Variants in TTC28 observed in about 807,000 individuals in gnomAD.
TTC28 encodes tetratricopeptide repeat protein 28.
Under a neutral mutation model 198.0 loss-of-function variants are expected in TTC28, and 61 were observed. The observed-to-expected ratio is 0.31, with a 90% CI of 0.25 to 0.38. The LOEUF is 0.38. Ranked by LOEUF, TTC28 falls within the 10% of genes least tolerant of loss-of-function variation. The pLI, the probability that TTC28 is intolerant of heterozygous loss-of-function variation, is 1.00. For synonymous variants in TTC28, 1,171 were observed against 1,297.8 expected, an observed-to-expected ratio of 0.90 and a Z score of 2.10; for missense variants, 2,678 against 3,164.0, an observed-to-expected ratio of 0.85 and a Z score of 3.69.
chr22:28,086,731 T>A (rs1327318047), intron 12 of TTC28, among the ~76,000 whole-genome samples: 1 of 152,098 alleles, frequency 6.6e-6, no homozygotes, highest in Non-Finnish European at 1.5e-5. Context: ...AGGAGCTGGT[T>A]TTTTGAAAGG....
At chr22:28,363,744 T>C (rs1279177442) in intron 2 of TTC28, among the ~76,000 whole-genome samples, 1 of 152,192 alleles carries the variant, frequency 6.6e-6, no homozygotes, top group African/African-American at 2.4e-5. Flanking sequence ...ATGTGAGACA[T>C]GGAGTCAAAG....
intron 2 of TTC28, among the ~76,000 whole-genome samples, chr22:28,340,912 T>A (rs1440146927): frequency 6.6e-6 from 1 of 152,262 alleles, no homozygotes; most frequent in East Asian, 1.9e-4. Context: ...CATTTTAATA[T>A]ATGCTCCACA....
At chr22:28,629,854 G>C (rs1330400896) in intron 1 of TTC28, 24 bp from the exon 2 acceptor site, 2 of 1,533,194 alleles carry the variant, frequency 1.3e-6, no homozygotes, top group African/African-American at 2.8e-5. Flanking sequence ...AACTTTATCA[G>C]AAAAAGTTCA....
chr22:28,410,213 T>C (rs562194540), intron 2 of TTC28, among the ~76,000 whole-genome samples: 1 of 152,346 alleles, frequency 6.6e-6, no homozygotes, highest in South Asian at 2.1e-4. Flanking sequence ...TGAGTCATAA[T>C]GCCTGGCCTG....
intron 5 of TTC28, among the ~76,000 whole-genome samples, chr22:28,204,731 C>A (rs1926254289): frequency 6.6e-6 from 1 of 152,026 alleles, no homozygotes; most frequent in South Asian, 2.1e-4. Flanking sequence ...GTTATACCAT[C>A]CCCCAGAGAA....
In TTC28 at chr22:27,996,139, T is replaced by C. The variant is rs927732535; in HGVS notation, c.5240A>G (p.His1747Arg). Residue 1747 changes from histidine to arginine, a missense_variant, in exon 17 of 23, where the codon CAC becomes CGC. Physicochemically the swap from His to Arg is conservative, Grantham distance 29 (BLOSUM62 0). Coordinates refer to ENST00000397906, the MANE Select transcript of TTC28 (RefSeq NM_001145418.2). ...RARDALRVLL[H>R]LVEKSLQRIQ... ...CAGGGTGCCCGACCCCCTTACCAGG[T>C]GCAGCAGCACTCGCAGGGCGTCCCG... is the stretch of plus-strand genomic sequence containing the variant. 4.6e-5 allele frequency: 71 copies of C among 1,549,286 alleles called. No individual in the cohort carries two copies. The highest frequency in any genetic ancestry group is 5.8e-5 in the Non-Finnish European group (67 of 1,146,908).
intron 5 of TTC28, among the ~76,000 whole-genome samples, chr22:28,287,300 G>A (rs1262608851): frequency 1.3e-5 from 2 of 152,100 alleles, no homozygotes; most frequent in African/African-American, 4.8e-5. Flanking sequence ...GAAAAAACAT[G>A]AACTTCAATT....
chr22:28,412,864 T>G (rs189148807), intron 2 of TTC28, among the ~76,000 whole-genome samples: 2 of 152,306 alleles, frequency 1.3e-5, no homozygotes, highest in African/African-American at 4.8e-5. Flanking sequence ...TTTAAAATAT[T>G]TTATCTAAAC....
intron 1 of TTC28, among the ~76,000 whole-genome samples, chr22:28,636,407 T>C (rs2051272967): frequency 6.6e-6 from 1 of 151,884 alleles, no homozygotes; most frequent in Non-Finnish European, 1.5e-5. Context: ...GATTACAGGC[T>C]GGATTTCCTT....
intron 2 of TTC28, among the ~76,000 whole-genome samples, chr22:28,541,360 G>A (rs1601540987): frequency 6.6e-6 from 1 of 152,288 alleles, no homozygotes; most frequent in African/African-American, 2.4e-5. Context: ...GGTCTTGCTG[G>A]GTTGGAGGGT....
intron 5 of TTC28, among the ~76,000 whole-genome samples, chr22:28,248,506 C>T (rs1335766369): frequency 6.6e-6 from 1 of 152,188 alleles, no homozygotes; most frequent in Non-Finnish European, 1.5e-5. Flanking sequence ...ATGCACCCTA[C>T]ATCATACACT....
At chr22:28,597,425 C>T (rs1327559004) in intron 2 of TTC28, among the ~76,000 whole-genome samples, 1 of 152,114 alleles carries the variant, frequency 6.6e-6, no homozygotes, top group African/African-American at 2.4e-5. Context: ...ATTGTAACAA[C>T]ACCCAGGCCC....
intron 5 of TTC28, among the ~76,000 whole-genome samples, chr22:28,172,528 G>A (rs1341410575): frequency 6.6e-6 from 1 of 152,160 alleles, no homozygotes. Flanking sequence ...TCTGCTTCTG[G>A]TTCTTCATTT....
chr22:28,538,234 G>T (rs138451417), intron 2 of TTC28, among the ~76,000 whole-genome samples: 1 of 152,136 alleles, frequency 6.6e-6, no homozygotes, highest in East Asian at 1.9e-4. Context: ...ACAAACACAT[G>T]CCACCAAGCC....
At chr22:28,211,809 CCAAATCAA>C (rs1306920228) in intron 5 of TTC28, among the ~76,000 whole-genome samples, 1 of 152,110 alleles carries the variant, frequency 6.6e-6, no homozygotes, top group Non-Finnish European at 1.5e-5. Flanking sequence ...ACTCTCCACC[CCAAATCAA>C]CAGAATATAC....
At chr22:28,102,318 G>A (rs186434395) in intron 8 of TTC28, among the ~76,000 whole-genome samples, 3 of 152,190 alleles carry the variant, frequency 2.0e-5, no homozygotes, top group East Asian at 1.9e-4. Flanking sequence ...GTGCCTCAGC[G>A]GGGTTGCAAA....
intron 2 of TTC28, among the ~76,000 whole-genome samples, chr22:28,509,262 C>T (rs2048655771): frequency 2.0e-5 from 3 of 151,606 alleles, no homozygotes; most frequent in Admixed American, 2.0e-4. Flanking sequence ...CCATATTGCA[C>T]TTACTCTAAA....
chr22:28,076,285 T>C (rs1414929547), intron 12 of TTC28, among the ~76,000 whole-genome samples: 2 of 152,212 alleles, frequency 1.3e-5, no homozygotes, highest in Non-Finnish European at 2.9e-5. Context: ...TGAATGAGGC[T>C]AATGATGCAG....
chr22:28,184,680 T>C (rs943530918), intron 5 of TTC28, among the ~76,000 whole-genome samples: 1 of 152,162 alleles, frequency 6.6e-6, no homozygotes, highest in Non-Finnish European at 1.5e-5. Context: ...GTTATACTGA[T>C]AGATACGATT....
Sources: gnomAD v4.1 joint callset for allele counts (sites outside exome capture counted in the v4.1 genomes callset) on GRCh38, gnomAD v4.1.1 for gene constraint, MANE v1.5 for transcripts, NCBI Gene and HGNC (gene_info 2026-07-23, HGNC 2026-07-21) for gene names.